Variants in ATP5MC2 observed in about 807,000 individuals in gnomAD.
ATP5MC2 encodes the protein ATP synthase membrane subunit c locus 2.
ATP5MC2 carries 11 observed loss-of-function variants against 13.5 expected under a neutral mutation model. The ratio of observed to expected loss-of-function variants is 0.81; its 90% CI spans 0.51 to 1.35. ATP5MC2 has a LOEUF of 1.35. Ranked by LOEUF, ATP5MC2 falls within the 40% of genes most tolerant of loss-of-function variation. The pLI is 0.00. For missense variants in ATP5MC2, 132 were observed against 175.0 expected (o/e 0.75, Z 1.39); for synonymous variants, 64 against 69.7 (o/e 0.92, Z 0.41).
intron 1 of ATP5MC2, chr12:53,672,906 T>C: frequency 2.8e-6 from 1 of 361,514 alleles, no homozygotes. Flanking sequence ...TGTTACCCAT[T>C]TCCATAGCCT....
At chr12:53,667,952 C>CATATATATATATATAT (rs71068162) in intron 4 of ATP5MC2, among the ~76,000 whole-genome samples, 1 of 110,772 alleles carries the variant, frequency 9.0e-6, no homozygotes, top group African/African-American at 3.2e-5. Context: ...CATACATACA[C>CATATATATATATATAT]ACACATATAT....
intron 1 of ATP5MC2, 95 bp downstream of exon 1, chr12:53,675,958 A>C: frequency 6.6e-7 from 1 of 1,517,502 alleles, no homozygotes; most frequent in Non-Finnish European, 8.9e-7. Context: ...CCAGGGTGGG[A>C]GCACGCAAGG....
In ATP5MC2 at chr12:53,665,404, G is replaced by A; in HGVS notation, c.336C>T (p.Leu112=). The stretch of plus-strand genomic sequence containing the variant: ...CAAAGCCCAGAATGGCGTAGGAGAA[G>A]AGCTGTTGCTTCAGAGAAGGGTTCC... ...YARNPSLKQQ[L]FSYAILGFAL... The change falls in exon 5 of 5, where the codon CTC becomes CTT. Residue 112 remains leucine (L), a synonymous_variant. Coordinates refer to ENST00000394349, the MANE Select transcript of ATP5MC2 (RefSeq NM_005176.7). The A allele has an allele frequency of 6.2e-7, 1 of 1,614,202 alleles. No individual in the cohort carries two copies. The highest frequency in any genetic ancestry group is 8.5e-7 in the Non-Finnish European group (1 of 1,180,024).
At chr12:53,675,880 G>A (rs1322482683) in intron 1 of ATP5MC2, among the ~76,000 whole-genome samples, 173 bp downstream of exon 1, 3 of 152,232 alleles carry the variant, frequency 2.0e-5, no homozygotes, top group Non-Finnish European at 4.4e-5. Flanking sequence ...CGCGGTTGGA[G>A]GTCACCGGCA....
chr12:53,671,272 C>T (rs1019172406), intron 2 of ATP5MC2, among the ~76,000 whole-genome samples: 14 of 152,170 alleles, frequency 9.2e-5, no homozygotes, highest in African/African-American at 3.4e-4. Flanking sequence ...CCTTTCTAAG[C>T]CTGTATTCTC....
intron 1 of ATP5MC2, chr12:53,674,115 G>A (rs1054371999): frequency 6.6e-6 from 1 of 152,048 alleles, no homozygotes; most frequent in East Asian, 1.9e-4. Context: ...GAGAAGCTGG[G>A]GCGGAAAGAT....
chr12:53,669,405 AC>A, intron 3 of ATP5MC2, 64 bp from the exon 4 acceptor site: 1 of 1,511,646 alleles, frequency 6.6e-7, no homozygotes, highest in Non-Finnish European at 8.9e-7. Flanking sequence ...ACCATTTAAA[AC>A]CCTTTAAGCT....
chr12:53,668,320 A>G (rs896707857), intron 4 of ATP5MC2, among the ~76,000 whole-genome samples: 17 of 147,210 alleles, frequency 1.2e-4, no homozygotes, highest in Non-Finnish European at 2.4e-4. Flanking sequence ...TTTTTTCCCC[A>G]AAGTCTCACT....
At position 53,668,315 on chromosome 12, in the gene ATP5MC2, T is replaced by TC. The variant is rs1235553441; in HGVS notation, c.311+832dup. On this transcript the variant is annotated intron_variant, in intron 4 of 4. Coordinates refer to ENST00000394349, the MANE Select transcript of ATP5MC2 (RefSeq NM_005176.7). ...TATTTGTTTTTTTCTTTTTTTTTTTTCCCCAAAGTCTCACTCTGTCACCTA... is the reference window on the plus strand; with the variant it reads ...TATTTGTTTTTTTCTTTTTTTTTTTTCCCCCAAAGTCTCACTCTGTCACCTA... Among the ~76,000 whole-genome samples the TC allele has an allele frequency of 2.7e-5, 4 of 150,626 alleles. No homozygotes were observed. In the East Asian group the frequency reaches 7.8e-4, roughly 30 times the overall value.
At chr12:53,677,692 G>A (rs1195351197), upstream of ATP5MC2, among the ~76,000 whole-genome samples, 1 of 152,178 alleles carries the variant, frequency 6.6e-6, no homozygotes, top group Non-Finnish European at 1.5e-5. Flanking sequence ...CAAATCTCCA[G>A]TTTTAGTTGT....
intron 4 of ATP5MC2, among the ~76,000 whole-genome samples, chr12:53,666,943 C>CA (rs58565014): frequency 0.017 from 1,801 of 103,292 alleles, 58 homozygotes; most frequent in African/African-American, 0.058. Flanking sequence ...GACTCAGTCT[C>CA]AAAAAAAAAA....
chr12:53,678,381 A>G (rs940615781), upstream of ATP5MC2, among the ~76,000 whole-genome samples: 1 of 151,880 alleles, frequency 6.6e-6, no homozygotes, highest in African/African-American at 2.4e-5. Flanking sequence ...CACCATCATC[A>G]CCATCATCAT....
At position 53,667,956 on chromosome 12, in the gene ATP5MC2, CATATATATATAT is replaced by C. The variant is rs772110168; in HGVS notation, c.311+1180_311+1191del. ...TCTAATACATACATACATACACACA[CATATATATATAT>C]ATATATATATATATATATATATATA... On this transcript the variant is annotated intron_variant, in intron 4 of 4. Transcript: ENST00000394349. 4.2e-3 allele frequency among the ~76,000 whole-genome samples: 280 copies of C among 67,372 alleles called. 3 individuals are homozygous for C. Among genetic ancestry groups the C allele is most frequent in the South Asian group, 0.013 (23 of 1,810 alleles). The allele number at this position is 67,372 out of a possible 152,430, so 44.2% of individuals were successfully genotyped here.
At chr12:53,672,697 C>G in intron 1 of ATP5MC2, 52 bp from the exon 2 acceptor site, 1 of 1,514,390 alleles carries the variant, frequency 6.6e-7, no homozygotes, top group Non-Finnish European at 9.0e-7. Flanking sequence ...TAAACTATAT[C>G]CTTATTAGCA....
At chr12:53,677,575 G>A (rs1052909759), upstream of ATP5MC2, among the ~76,000 whole-genome samples, 6 of 152,342 alleles carry the variant, frequency 3.9e-5, no homozygotes, top group African/African-American at 1.4e-4. Flanking sequence ...AAGGAGTGGG[G>A]AGAAATAGGA....
intron 2 of ATP5MC2, among the ~76,000 whole-genome samples, chr12:53,672,101 A>AAAAATAAAATAAAATAAAATAAAAT (rs1945115155): frequency 2.0e-5 from 3 of 150,464 alleles, no homozygotes; most frequent in African/African-American, 7.4e-5. Flanking sequence ...AAAAAAAAAA[A>AAAAATAAAATAAAATAAAATAAAAT]AAAATTAACT....
upstream of ATP5MC2, among the ~76,000 whole-genome samples, chr12:53,679,237 A>AAGAGAGAGAGAGAG (rs1945326601): frequency 1.4e-5 from 1 of 72,610 alleles, no homozygotes; most frequent in Non-Finnish European, 2.4e-5. Context: ...GATTTTAAAA[A>AAGAGAGAGAGAGAG]CGAGAGAGAG....
intron 1 of ATP5MC2, among the ~76,000 whole-genome samples, chr12:53,674,306 T>C (rs1368487231): frequency 6.6e-6 from 1 of 152,184 alleles, no homozygotes; most frequent in Non-Finnish European, 1.5e-5. Context: ...ATCACGCCAG[T>C]TGTCCAGTAT....
At chr12:53,679,537 A>C (rs1431278025), upstream of ATP5MC2, among the ~76,000 whole-genome samples, 1 of 152,236 alleles carries the variant, frequency 6.6e-6, no homozygotes, top group Admixed American at 6.5e-5. Flanking sequence ...TAGTTTCCTC[A>C]TTTGGAAAAA....
Sources: allele counts gnomAD v4.1 joint callset (sites outside exome capture counted in the v4.1 genomes callset), GRCh38; gene constraint gnomAD v4.1.1; transcripts MANE v1.5; gene names NCBI Gene and HGNC (gene_info 2026-07-23, HGNC 2026-07-21).